FBXO16: variants seen among roughly 807,000 people sequenced by gnomAD.
FBXO16 encodes F-box only protein 16.
In FBXO16, 31 loss-of-function variants were observed where a neutral mutation model predicts 41.0. The observed-to-expected ratio is 0.76, with a 90% CI of 0.57 to 1.02. The LOEUF (loss-of-function observed/expected upper bound fraction) is 1.02. Ranked by LOEUF, FBXO16 falls within the 50% of genes least tolerant of loss-of-function variation. FBXO16 has a pLI of 0.00. For missense variants in FBXO16, 361 were observed against 346.2 expected, an observed-to-expected ratio of 1.04 and a Z score of -0.34; for synonymous variants, 133 against 117.8, an observed-to-expected ratio of 1.13 and a Z score of -0.84.
At chr8:28,464,157 C>T (rs557692590) in intron 3 of FBXO16, among the ~76,000 whole-genome samples, 1 of 152,270 alleles carries the variant, frequency 6.6e-6, no homozygotes, top group South Asian at 2.1e-4. Context: ...GCAGCTCCTC[C>T]CCCCAAATAG....
intron 7 of FBXO16, among the ~76,000 whole-genome samples, chr8:28,442,018 A>C (rs1481808310): frequency 7.1e-6 from 1 of 141,580 alleles, no homozygotes; most frequent in Admixed American, 7.5e-5. Flanking sequence ...ATCTCAGCTC[A>C]CTGCAACCTC....
chr8:28,461,420 A>C (rs1020606733), intron 4 of FBXO16, among the ~76,000 whole-genome samples: 7 of 152,194 alleles, frequency 4.6e-5, no homozygotes, highest in Non-Finnish European at 7.3e-5. Context: ...ATTTAAAACA[A>C]ATCTCAATCT....
chr8:28,452,538 C>T (rs532300677), intron 5 of FBXO16, 62 bp from the exon 6 acceptor site: 39 of 1,515,306 alleles, frequency 2.6e-5, no homozygotes, highest in Middle Eastern at 2.4e-4. Context: ...CGGTGGCTCA[C>T]GCCTGTAATC....
intron 3 of FBXO16, 136 bp downstream of exon 3, chr8:28,473,636 T>G (rs897050230): frequency 5.2e-6 from 4 of 766,514 alleles, no homozygotes; most frequent in Non-Finnish European, 8.7e-6. Context: ...AATGTCTGGG[T>G]TTTTTTCTTT....
intron 1 of FBXO16, among the ~76,000 whole-genome samples, chr8:28,487,884 G>A (rs899392723): frequency 4.1e-5 from 6 of 145,850 alleles, no homozygotes; most frequent in Admixed American, 6.9e-5. Context: ...GCAAAATCTT[G>A]CTCTGTCGCC....
At position 28,436,050 on chromosome 8, in the gene FBXO16, G is replaced by C. The variant is rs188506614; in HGVS notation, c.844-6647C>G. ...TAAATTGCCTAAAGCATAGGTTGGG[G>C]GCTGAGGTCATGGGTAGAGACAAAG... On this transcript the variant is annotated intron_variant, in intron 7 of 8. Coordinates refer to ENST00000380254, the MANE Select transcript of FBXO16 (RefSeq NM_172366.4). 8.5e-5 allele frequency among the ~76,000 whole-genome samples: 13 copies of C among 152,306 alleles called. No homozygotes were observed. The East Asian group carries it at 1.9e-3, about 23-fold the overall frequency.
At chr8:28,466,852 T>C (rs562249126) in intron 3 of FBXO16, among the ~76,000 whole-genome samples, 234 of 152,294 alleles carry the variant, frequency 1.5e-3, no homozygotes, top group Middle Eastern at 6.8e-3. Context: ...GAAGGCAGAT[T>C]GGAGGAGTAT....
chr8:28,460,245 AT>A (rs34429050), intron 4 of FBXO16, among the ~76,000 whole-genome samples: 906 of 85,362 alleles, frequency 0.011, 3 homozygotes, highest in South Asian at 0.018. Context: ...ATATATATAT[AT>A]TTTTTTTTTT....
chr8:28,428,807 T>C, intron 8 of FBXO16, 71 bp from the exon 9 acceptor site: 1 of 1,425,544 alleles, frequency 7.0e-7, no homozygotes, highest in Non-Finnish European at 9.2e-7. Context: ...GTTAAACTTA[T>C]TTTTAATGAC....
rs549940598 is a variant in FBXO16, at chr8:28,476,379, T to A, written c.100-2572A>T. ...AGACTGAAAGTCAGGAGACCTCAGA[T>A]CTGGTTCTGACTCTACCCTTGACAA... On this transcript the variant is annotated intron_variant, in intron 2 of 8. Coordinates refer to ENST00000380254, the MANE Select transcript of FBXO16 (RefSeq NM_172366.4). Among the ~76,000 whole-genome samples, 4 of 152,248 alleles carry A rather than the reference T, an allele frequency of 2.6e-5. No homozygotes were observed. The South Asian group carries it at 8.3e-4, about 32-fold the overall frequency.
At chr8:28,442,335 A>C (rs1802793685) in intron 7 of FBXO16, among the ~76,000 whole-genome samples, 1 of 152,006 alleles carries the variant, frequency 6.6e-6, no homozygotes, top group African/African-American at 2.4e-5. Flanking sequence ...TTTCATAAGG[A>C]GCCTTCAAAA....
chr8:28,436,403 T>C (rs748860680), intron 7 of FBXO16, among the ~76,000 whole-genome samples: 4 of 152,230 alleles, frequency 2.6e-5, no homozygotes, highest in Non-Finnish European at 5.9e-5. Context: ...GGCAAGGTGT[T>C]AGAAAGAAAT....
chr8:28,449,362 C>T (rs918675935), intron 6 of FBXO16, among the ~76,000 whole-genome samples: 1 of 146,268 alleles, frequency 6.8e-6, no homozygotes, highest in Non-Finnish European at 1.5e-5. Flanking sequence ...TGCTCTGTCA[C>T]CCAGGCTGGA....
At chr8:28,444,779 CTTTT>C (rs71549666) in intron 7 of FBXO16, among the ~76,000 whole-genome samples, 1 of 30,826 alleles carries the variant, frequency 3.2e-5, no homozygotes, top group East Asian at 5.7e-4. Flanking sequence ...CGCGCCCGGA[CTTTT>C]TTTTTTTTTT....
intron 4 of FBXO16, among the ~76,000 whole-genome samples, chr8:28,462,108 T>G (rs1384519656): frequency 1.3e-5 from 2 of 151,694 alleles, no homozygotes. Flanking sequence ...CCCACCTAAT[T>G]TTAAAATGTT....
Position 28,428,645 on chromosome 8 carries a change from G to A in FBXO16, c.*82C>T. On this transcript the variant is annotated 3_prime_UTR_variant, in exon 9 of 9. Transcript: ENST00000380254. ...AGGATGCTGCATGAGAATTTCAGCT[G>A]TGGTGGCAGTGTCTGGGAGTCCCAC... The A allele has an allele frequency of 2.6e-6, 4 of 1,557,268 alleles. No homozygotes were observed. The highest frequency in any genetic ancestry group is 3.5e-6 in the Non-Finnish European group (4 of 1,150,320).
At position 28,456,872 on chromosome 8, in the gene FBXO16, A is replaced by C; in HGVS notation, c.401T>G (p.Leu134Ter). The change falls in exon 5 of 9, where the codon TTA becomes TGA. Residue 134 changes from leucine to a stop codon, truncating the protein, a stop_gained. Transcript: ENST00000380254. LOFTEE classifies it high-confidence loss of function. ...ELDQLWMLKC[L>*]RFNWYINFSP... is the part of the protein sequence containing the mutation. ...GAAATTGATGTACCAGTTAAACCGT[A>C]AACATTTCAGCATCCAGAGCTGGTC... 1.2e-6 allele frequency: 2 copies of C among 1,614,158 alleles called. No homozygotes were observed. Among genetic ancestry groups the C allele is most frequent in the Non-Finnish European group, 1.7e-6 (2 of 1,180,020 alleles).
At chr8:28,466,741 G>A (rs12677425) in intron 3 of FBXO16, among the ~76,000 whole-genome samples, 9 of 152,088 alleles carry the variant, frequency 5.9e-5, no homozygotes, top group Non-Finnish European at 1.0e-4. Context: ...GGTGAGAGGC[G>A]AGAGAGGAAG....
chr8:28,445,219 C>T (rs886245451), intron 7 of FBXO16, among the ~76,000 whole-genome samples: 2 of 152,174 alleles, frequency 1.3e-5, no homozygotes, highest in African/African-American at 4.8e-5. Context: ...GTCCCATTCA[C>T]GAAGAGCTAT....
Sources: gnomAD v4.1 joint callset for allele counts (sites outside exome capture counted in the v4.1 genomes callset) on GRCh38, gnomAD v4.1.1 for gene constraint, MANE v1.5 for transcripts, NCBI Gene and HGNC (gene_info 2026-07-23, HGNC 2026-07-21) for gene names.